Variants in CAMKMT observed in about 807,000 individuals in gnomAD.
CAMKMT encodes calmodulin-lysine N-methyltransferase.
CAMKMT carries 53 observed loss-of-function variants against 48.0 expected under a neutral mutation model. That is an observed-to-expected ratio of 1.10 (90% CI 0.89 to 1.39). The LOEUF is 1.39. Ranked by LOEUF, CAMKMT falls within the 40% of genes most tolerant of loss-of-function variation. CAMKMT has a pLI of 0.00. For missense variants in CAMKMT, 428 were observed against 402.7 expected (o/e 1.06, Z -0.54); for synonymous variants, 165 against 152.3 (o/e 1.08, Z -0.61).
rs539485464 is a variant in CAMKMT at position 44,372,404 on chromosome 2, G to C, written c.139-312G>C. ...GGAGCCTGAGGTAGGAGGATCGCCT[G>C]AACCCAGCTGGGTGACAGGCTGGGT... On this transcript the variant is annotated intron_variant, in intron 1 of 10. Transcript: ENST00000378494. Among the ~76,000 whole-genome samples the C allele has an allele frequency of 4.4e-4, 67 of 151,384 alleles. 1 individual carries two copies. The highest frequency in any genetic ancestry group is 1.5e-3 in the African/African-American group (63 of 41,232).
At chr2:44,580,925 G>A (rs1472410257) in intron 3 of CAMKMT, among the ~76,000 whole-genome samples, 1 of 152,156 alleles carries the variant, frequency 6.6e-6, no homozygotes, top group Non-Finnish European at 1.5e-5. Context: ...GTGTTGTTGG[G>A]CAAATTATCG....
At chr2:44,521,386 C>G in intron 3 of CAMKMT, among the ~76,000 whole-genome samples, 1 of 152,124 alleles carries the variant, frequency 6.6e-6, no homozygotes, top group East Asian at 1.9e-4. Flanking sequence ...TCAAGCGATT[C>G]CTGTGCCTCA....
intron 3 of CAMKMT, among the ~76,000 whole-genome samples, chr2:44,455,528 T>C (rs76223145): frequency 0.031 from 4,770 of 152,214 alleles, 214 homozygotes; most frequent in African/African-American, 0.1. Context: ...TGGGATATGG[T>C]CTAATGAAGC....
intron 3 of CAMKMT, among the ~76,000 whole-genome samples, chr2:44,504,447 CAT>C (rs66479746): frequency 6.6e-6 from 1 of 152,008 alleles, no homozygotes; most frequent in Non-Finnish European, 1.5e-5. Flanking sequence ...CTTATGATTC[CAT>C]AAAAGTGAAT....
At chr2:44,549,639 T>A (rs992359585) in intron 3 of CAMKMT, 4 of 618,758 alleles carry the variant, frequency 6.5e-6, no homozygotes, top group African/African-American at 1.9e-5. Context: ...ACTGCTCATA[T>A]ATTTAAGAAA....
At chr2:44,742,973 G>A (rs1679764249) in intron 7 of CAMKMT, among the ~76,000 whole-genome samples, 1 of 152,182 alleles carries the variant, frequency 6.6e-6, no homozygotes, top group Admixed American at 6.5e-5. Context: ...TTAATTGAGA[G>A]TAACTAAAAA....
chr2:44,467,803 T>A (rs1490220773), intron 3 of CAMKMT, among the ~76,000 whole-genome samples: 1 of 152,128 alleles, frequency 6.6e-6, no homozygotes, highest in Non-Finnish European at 1.5e-5. Flanking sequence ...GATATCCATA[T>A]GTAGAAGAAT....
At chr2:44,707,529 G>T (rs1677629744) in intron 6 of CAMKMT, 67 bp downstream of exon 6, 2 of 1,381,308 alleles carry the variant, frequency 1.4e-6, no homozygotes, top group African/African-American at 1.4e-5. Flanking sequence ...AGTAACAATT[G>T]ATATAAAGAA....
At chr2:44,756,853 T>G (rs1489386090) in intron 9 of CAMKMT, among the ~76,000 whole-genome samples, 4 of 152,170 alleles carry the variant, frequency 2.6e-5, no homozygotes, top group South Asian at 4.1e-4. Flanking sequence ...AAGTTCTCCG[T>G]GCACTTCCAG....
At chr2:44,488,368 G>C (rs957672354) in intron 3 of CAMKMT, among the ~76,000 whole-genome samples, 15 of 152,116 alleles carry the variant, frequency 9.9e-5, no homozygotes, top group Non-Finnish European at 1.8e-4. Flanking sequence ...GCTGAGTGTG[G>C]TGGCGCATGC....
intron 3 of CAMKMT, among the ~76,000 whole-genome samples, chr2:44,698,337 A>C (rs923448665): frequency 6.6e-6 from 1 of 152,226 alleles, no homozygotes; most frequent in East Asian, 1.9e-4. Flanking sequence ...TCATATAAAT[A>C]AAAACATACA....
chr2:44,460,474 T>C (rs55768580), intron 3 of CAMKMT, among the ~76,000 whole-genome samples: 4,883 of 152,212 alleles, frequency 0.032, 248 homozygotes, highest in African/African-American at 0.11. Flanking sequence ...TCTATACTTT[T>C]ACTTGAGGAT....
At chr2:44,722,539 A>G (rs148220422) in intron 7 of CAMKMT, among the ~76,000 whole-genome samples, 25 of 152,290 alleles carry the variant, frequency 1.6e-4, no homozygotes, top group Non-Finnish European at 3.2e-4. Context: ...CACTGCTACC[A>G]TAATTCTAGA....
At chr2:44,631,444 A>G in intron 3 of CAMKMT, 1 of 577,396 alleles carries the variant, frequency 1.7e-6, no homozygotes, top group Non-Finnish European at 3.0e-6. Flanking sequence ...TACAAATCAA[A>G]GAGTTTAAAT....
intron 9 of CAMKMT, among the ~76,000 whole-genome samples, chr2:44,760,627 A>AG: frequency 6.6e-6 from 1 of 152,004 alleles, no homozygotes; most frequent in East Asian, 1.9e-4. Flanking sequence ...AAAAAAAAAA[A>AG]AAGAGTTAGG....
intron 3 of CAMKMT, among the ~76,000 whole-genome samples, chr2:44,471,282 C>T (rs543037344): frequency 2.1e-4 from 32 of 152,028 alleles, no homozygotes; most frequent in Non-Finnish European, 3.4e-4. Flanking sequence ...TGAGCCACCG[C>T]GCCCGGCTCT....
chr2:44,749,052 A>G (rs572314307), intron 8 of CAMKMT, among the ~76,000 whole-genome samples: 1 of 152,274 alleles, frequency 6.6e-6, no homozygotes, highest in African/African-American at 2.4e-5. Flanking sequence ...AAGTCTTTCC[A>G]TGGGTAATAA....
At chr2:44,681,389 G>T (rs556753352) in intron 3 of CAMKMT, among the ~76,000 whole-genome samples, 1 of 152,274 alleles carries the variant, frequency 6.6e-6, no homozygotes, top group East Asian at 1.9e-4. Context: ...GATAGGAAGG[G>T]GGAAAAGCCG....
At chr2:44,430,610 T>C (rs1391508596) in intron 3 of CAMKMT, among the ~76,000 whole-genome samples, 2 of 152,034 alleles carry the variant, frequency 1.3e-5, no homozygotes, top group Non-Finnish European at 2.9e-5. Flanking sequence ...TGTAATTGGT[T>C]ACATTGCTCC....
Sources: allele counts gnomAD v4.1 joint callset (sites outside exome capture counted in the v4.1 genomes callset), GRCh38; gene constraint gnomAD v4.1.1; transcripts MANE v1.5; gene names NCBI Gene and HGNC (gene_info 2026-07-23, HGNC 2026-07-21).